DFFA: variants seen among roughly 807,000 people sequenced by gnomAD.
DFFA encodes the protein DFF45.
A neutral mutation model predicts 28.0 loss-of-function variants in DFFA; 14 were observed. The ratio of observed to expected loss-of-function variants is 0.50; its 90% CI spans 0.33 to 0.78. The LOEUF is 0.78. DFFA is among the 30% of genes least tolerant of loss of function. DFFA has a pLI of 0.02. For synonymous variants in DFFA, 158 were observed against 170.3 expected (o/e 0.93, Z 0.56); for missense variants, 395 against 407.1 (o/e 0.97, Z 0.26).
chr1:10,464,629 C>T lies in DFFA; in HGVS notation c.442-1009G>A, dbSNP rs1035692254. Among the ~76,000 whole-genome samples, 4 of 152,020 alleles carry T rather than the reference C, an allele frequency of 2.6e-5. No individual in the cohort carries two copies. The East Asian group carries it at 7.7e-4, about 29-fold the overall frequency. On this transcript the variant is annotated intron_variant, in intron 3 of 5. Coordinates refer to ENST00000377038, the MANE Select transcript of DFFA (RefSeq NM_004401.3). Reference sequence around the variant, plus strand: ...ACTTGGAAGGCTGAGGTGGGAGGATCGCTTGAGCCCAGCAGGCAGATGGTG... The same window carrying T: ...ACTTGGAAGGCTGAGGTGGGAGGATTGCTTGAGCCCAGCAGGCAGATGGTG...
Position 10,461,690 on chromosome 1 carries a change from C to T in DFFA, c.796G>A (p.Glu266Lys). 1 of 1,614,188 alleles carries T rather than the reference C, an allele frequency of 6.2e-7. No homozygotes were observed. Among genetic ancestry groups the T allele is most frequent in the Non-Finnish European group, 8.5e-7 (1 of 1,180,010 alleles). Reference sequence around the variant, plus strand: ...GCAACAGCCAGTGCTTTGGGGTCTTCCTTGGTAACCAACTGCAGCAAGAAT... The same window carrying T: ...GCAACAGCCAGTGCTTTGGGGTCTTTCTTGGTAACCAACTGCAGCAAGAAT... ...SSQDLELVTK[E>K]DPKALAVALN... The change falls in exon 6 of 6, where the codon GAA becomes AAA. Residue 266 changes from glutamate (E) to lysine (K), a missense_variant. Coordinates refer to ENST00000377038, the MANE Select transcript of DFFA (RefSeq NM_004401.3).
intron 5 of DFFA, chr1:10,462,428 C>T (rs1046682442): frequency 5.1e-6 from 5 of 987,480 alleles, no homozygotes; most frequent in Middle Eastern, 5.2e-4. Context: ...CCACTGTGCC[C>T]GGACAAGCAT....
intron 3 of DFFA, among the ~76,000 whole-genome samples, chr1:10,464,338 C>T (rs1250096303): frequency 1.3e-5 from 2 of 152,018 alleles, no homozygotes; most frequent in African/African-American, 2.4e-5. Flanking sequence ...GTGATCCACC[C>T]GCCTCGGCCT....
rs1048461460 is a variant in DFFA, at chr1:10,470,431, T to C, written c.137-1093A>G. ...TTTATTCAGTTTTCCTCTTTTTTTTTTTTTTTTTTTTGAGACGGAGTCTCA... is the reference window on the plus strand; with the variant it reads ...TTTATTCAGTTTTCCTCTTTTTTTTCTTTTTTTTTTTGAGACGGAGTCTCA... On this transcript the variant is annotated intron_variant, in intron 1 of 5. Transcript: ENST00000377038. 4.7e-5 allele frequency among the ~76,000 whole-genome samples: 7 copies of C among 148,734 alleles called. No individual in the cohort carries two copies. In the East Asian group the frequency reaches 1.4e-3, roughly 30 times the overall value.
intron 4 of DFFA, 40 bp from the exon 5 acceptor site, chr1:10,463,249 A>T (rs1314503711): frequency 6.2e-7 from 1 of 1,600,144 alleles, no homozygotes; most frequent in Admixed American, 1.7e-5. Flanking sequence ...ACGTGGTGTG[A>T]CCACACAGCC....
Position 10,472,355 on chromosome 1 carries a change from G to A in DFFA, c.104C>T (p.Ala35Val), listed in dbSNP as rs1348894955. 1.9e-6 allele frequency: 3 copies of A among 1,608,576 alleles called. No homozygotes were observed. Among genetic ancestry groups the A allele is most frequent in the Non-Finnish European group, 2.5e-6 (3 of 1,176,836 alleles). ...RNYSREQHGV[A>V]ASCLEDLRSK... ...CCTCAGGTCTTCGAGGCAGGAGGCGGCCACGCCGTGCTGTTCGCGGCTGTA... is the reference window on the plus strand; with the variant it reads ...CCTCAGGTCTTCGAGGCAGGAGGCGACCACGCCGTGCTGTTCGCGGCTGTA... Residue 35 changes from alanine (A) to valine (V), a missense_variant, in exon 1 of 6, where the codon GCC becomes GTC. Transcript: ENST00000377038. This position sits in a 1 kb window ranked among gnomAD's most constrained non-coding sequence, Gnocchi z 5.0.
At chr1:10,466,808 C>CTGGT (rs1557795014) in intron 3 of DFFA, among the ~76,000 whole-genome samples, 1 of 151,774 alleles carries the variant, frequency 6.6e-6, no homozygotes, top group Non-Finnish European at 1.5e-5. Flanking sequence ...CCAAAATTAG[C>CTGGT]CAGGCGTGTT....
rs1276009308 is a variant in DFFA, at chr1:10,459,853, T to C, written c.*1637A>G. The C allele has an allele frequency of 6.6e-6, 1 of 152,110 alleles. No individual in the cohort carries two copies. Among genetic ancestry groups the C allele is most frequent in the East Asian group, 1.9e-4 (1 of 5,178 alleles). 9.4% of individuals were successfully genotyped at this position (152,110 alleles called of 1,614,324 possible). On this transcript the variant is annotated 3_prime_UTR_variant, in exon 6 of 6. Coordinates refer to ENST00000377038, the MANE Select transcript of DFFA (RefSeq NM_004401.3). ...CCTTAGCCTCCAGAGTAGCTAGGAT[T>C]ATAGGTCAGTGCCACCATGCCTGGC... is the stretch of plus-strand genomic sequence containing the variant.
Position 10,464,623 on chromosome 1 carries a change from G to A in DFFA, c.442-1003C>T, listed in dbSNP as rs559580302. Among the ~76,000 whole-genome samples, 23 of 152,270 alleles carry A rather than the reference G, an allele frequency of 1.5e-4. No homozygotes were observed. In the South Asian group the frequency reaches 3.1e-3, roughly 21 times the overall value. On this transcript the variant is annotated intron_variant, in intron 3 of 5. Coordinates refer to ENST00000377038, the MANE Select transcript of DFFA (RefSeq NM_004401.3). The stretch of plus-strand genomic sequence containing the variant: ...CCAGCTACTTGGAAGGCTGAGGTGG[G>A]AGGATCGCTTGAGCCCAGCAGGCAG...
chr1:10,459,035 G>C lies in DFFA; in HGVS notation c.*2455C>G, dbSNP rs1427933692. On this transcript the variant is annotated 3_prime_UTR_variant, in exon 6 of 6. Transcript: ENST00000377038. ...ACCCGGCTAATTTTTTATAATTTCA[G>C]TAGAGACGGGGTTTCACCATGTTGG... 6.7e-6 allele frequency: 1 copy of C among 149,636 alleles called. No homozygotes were observed. Among genetic ancestry groups the C allele is most frequent in the Non-Finnish European group, 1.5e-5 (1 of 67,576 alleles). The allele number at this position is 149,636 out of a possible 1,614,324, so 9.3% of individuals were successfully genotyped here.
intron 3 of DFFA, among the ~76,000 whole-genome samples, chr1:10,464,875 G>A (rs72869115): frequency 1.3e-3 from 193 of 152,260 alleles, no homozygotes; most frequent in African/African-American, 4.3e-3. Flanking sequence ...TACAAGTACC[G>A]TTAGAGCAGA....
intron 3 of DFFA, among the ~76,000 whole-genome samples, chr1:10,466,192 T>C (rs1350465403): frequency 6.6e-6 from 1 of 152,032 alleles, no homozygotes; most frequent in African/African-American, 2.4e-5. Context: ...CCAATCTTTT[T>C]TTTCTTTTTG....
chr1:10,456,897 C>T lies in DFFA; in HGVS notation c.*4593G>A, dbSNP rs1287067795. 1 of 152,190 alleles carries T rather than the reference C, an allele frequency of 6.6e-6. No individual in the cohort carries two copies. Among genetic ancestry groups the T allele is most frequent in the Admixed American group, 6.6e-5 (1 of 15,258 alleles). 9.4% of individuals were successfully genotyped at this position (152,190 alleles called of 1,614,324 possible). A position where few individuals can be genotyped will look rare whatever the true frequency, so the allele number is the denominator to read the frequency against. On this transcript the variant is annotated 3_prime_UTR_variant, in exon 6 of 6. Transcript: ENST00000377038. ...CTATTTTTAGACGTATTGCTGCGCT[C>T]CTATGTGTCTATTCTACAAGGCTGG...
Position 10,466,246 on chromosome 1 carries a change from C to T in DFFA, c.441+944G>A, listed in dbSNP as rs145531128. Among the ~76,000 whole-genome samples the T allele has an allele frequency of 5.5e-3, 832 of 152,114 alleles. 10 individuals carry two copies. The highest frequency in any genetic ancestry group is 0.019 in the African/African-American group (795 of 41,478). ...TCACCCAGGCTGGAGTGCAGTGGTG[C>T]GATCTCGGCTCACTGCAAGCTCCAC... is the stretch of plus-strand genomic sequence containing the variant. On this transcript the variant is annotated intron_variant, in intron 3 of 5. Transcript: ENST00000377038.
At position 10,472,241 on chromosome 1, in the gene DFFA, C is replaced by G. The variant is rs1641108558; in HGVS notation, c.136+82G>C. 6.7e-7 allele frequency: 1 copy of G among 1,488,026 alleles called. No individual in the cohort carries two copies. The highest frequency in any genetic ancestry group is 9.0e-7 in the Non-Finnish European group (1 of 1,114,020). 92.2% of individuals were successfully genotyped at this position (1,488,026 alleles called of 1,614,324 possible). A position where few individuals can be genotyped will look rare whatever the true frequency, so the allele number is the denominator to read the frequency against. ...AGATACAAGAATCCCCAAGTCGCCT[C>G]TCCTGACCCCGCCTCGCCCCCGCCG... On this transcript the variant is annotated intron_variant, in intron 1 of 5. Transcript: ENST00000377038. The surrounding 1 kb of genome is among the most constrained non-coding windows in gnomAD (Gnocchi z 5.0).
Position 10,472,052 on chromosome 1 carries a change from T to C in DFFA, c.136+271A>G, listed in dbSNP as rs1366856893. On this transcript the variant is annotated intron_variant, in intron 1 of 5. Coordinates refer to ENST00000377038, the MANE Select transcript of DFFA (RefSeq NM_004401.3). The surrounding 1 kb of genome is among the most constrained non-coding windows in gnomAD (Gnocchi z 5.0). ...TCCGTTTGGTCCAACATCGAAGTGATTTCAGGCAAGAGACCTAAGCCGAGT... is the reference window on the plus strand; with the variant it reads ...TCCGTTTGGTCCAACATCGAAGTGACTTCAGGCAAGAGACCTAAGCCGAGT... 1.3e-5 allele frequency among the ~76,000 whole-genome samples: 2 copies of C among 152,076 alleles called. No individual in the cohort carries two copies. The highest frequency in any genetic ancestry group is 4.8e-5 in the African/African-American group (2 of 41,402).
chr1:10,472,318 C>T lies in DFFA; in HGVS notation c.136+5G>A. 1 of 1,587,054 alleles carries T rather than the reference C, an allele frequency of 6.3e-7. No individual in the cohort carries two copies. Among genetic ancestry groups the T allele is most frequent in the Admixed American group, 1.7e-5 (1 of 57,570 alleles). On this transcript the variant is annotated splice_donor_5th_base_variant and intron_variant, in intron 1 of 5. Transcript: ENST00000377038. This position sits in a 1 kb window ranked among gnomAD's most constrained non-coding sequence, Gnocchi z 5.0. Reference sequence around the variant, plus strand: ...CCACACCCTCGCCCGGGGTCCCGAGCCAACCCTTGCTCCTCAGGTCTTCGA... The same window carrying T: ...CCACACCCTCGCCCGGGGTCCCGAGTCAACCCTTGCTCCTCAGGTCTTCGA...
intron 2 of DFFA, among the ~76,000 whole-genome samples, chr1:10,468,036 C>T (rs953960733): frequency 2.6e-5 from 4 of 152,168 alleles, no homozygotes; most frequent in Non-Finnish European, 5.9e-5. Context: ...CTGTAGCCAT[C>T]GATTGCTGTC....
Position 10,463,443 on chromosome 1 carries a change from A to G in DFFA, c.619T>C (p.Ser207Pro). The change falls in exon 4 of 6, where the codon TCA (serine) becomes CCA (proline). Residue 207 changes from serine to proline, a missense_variant. Transcript: ENST00000377038. ...CAGAGAGTCCTACCTTCCTGCTTTG[A>G]CAAGAGGCTGCCCTCTTTCTCCAAA... The part of the protein sequence containing the change: ...QALEKEGSLL[S>P]KQEESKAAFG... 14 of 1,612,674 alleles carry G rather than the reference A, an allele frequency of 8.7e-6. No individual in the cohort carries two copies. Among genetic ancestry groups the G allele is most frequent in the Non-Finnish European group, 1.2e-5 (14 of 1,179,496 alleles).
Sources: allele counts gnomAD v4.1 joint callset (sites outside exome capture counted in the v4.1 genomes callset), GRCh38; gene constraint gnomAD v4.1.1; non-coding constraint Gnocchi (gnomAD v3.1); transcripts MANE v1.5; gene names NCBI Gene and HGNC (gene_info 2026-07-23, HGNC 2026-07-21).